GNAS: variants seen among roughly 807,000 people sequenced by gnomAD.
The protein encoded by GNAS is GNAS complex locus, also known as protein ALEX.
A neutral mutation model predicts 54.5 loss-of-function variants in GNAS; 8 were observed. The ratio of observed to expected loss-of-function variants is 0.15; its 90% confidence interval spans 0.09 to 0.26. The LOEUF is 0.26. Ranked by LOEUF, GNAS falls within the 10% of genes least tolerant of loss-of-function variation. GNAS has a pLI of 1.00. For synonymous variants in GNAS, 204 were observed against 191.4 expected, an observed-to-expected ratio of 1.07 and a Z score of -0.54; for missense variants, 170 against 529.8, an observed-to-expected ratio of 0.32 and a Z score of 6.67.
intron 1 of GNAS, among the ~76,000 whole-genome samples, chr20:58,893,813 C>T (rs753848485): frequency 4.6e-5 from 7 of 152,196 alleles, no homozygotes; most frequent in Non-Finnish European, 1.0e-4. Flanking sequence ...TACTTTAAGT[C>T]AAGTGTGATG....
At chr20:58,868,336 T>G (rs1265953302) in intron 1 of GNAS, among the ~76,000 whole-genome samples, 1 of 151,636 alleles carries the variant, frequency 6.6e-6, no homozygotes, top group Non-Finnish European at 1.5e-5. Context: ...GTCTTTTTAG[T>G]AGAGATGGGG....
At chr20:58,889,829 C>T (rs2088960009), upstream of GNAS, among the ~76,000 whole-genome samples, 1 of 151,166 alleles carries the variant, frequency 6.6e-6, no homozygotes, top group South Asian at 2.1e-4. Flanking sequence ...CGGGGGCAAG[C>T]AGGGAGCCCG....
In GNAS at chr20:58,856,997, G is replaced by C. The variant is rs976787684; in HGVS notation, c.43+16111G>C. The C allele has an allele frequency of 7.2e-6, 1 of 139,404 alleles. No homozygotes were observed. The highest frequency in any genetic ancestry group is 1.5e-5 in the Non-Finnish European group (1 of 65,640). 8.6% of individuals were successfully genotyped at this position (139,404 alleles called of 1,614,324 possible). The stretch of plus-strand genomic sequence containing the variant: ...AATATTTTTGCCACATTTAAACAAA[G>C]CATCAATTAGCAATGGTCTGAATAT... On this transcript the variant is annotated intron_variant, in intron 1 of 12. Coordinates refer to the GNAS transcript ENST00000306090. This position sits in a 1 kb window ranked among gnomAD's most constrained non-coding sequence, Gnocchi z 4.2.
intron 3 of GNAS, chr20:58,899,578 A>T: frequency 1.8e-6 from 1 of 548,448 alleles, no homozygotes; most frequent in Admixed American, 2.5e-5. Flanking sequence ...AAGGAAATTC[A>T]TGATGGCATC....
Position 58,840,991 on chromosome 20 carries a change from AG to A in GNAS, c.43+107del, listed in dbSNP as rs2085697691. The A allele has an allele frequency of 8.0e-7, 1 of 1,253,374 alleles. No homozygotes were observed. Among genetic ancestry groups the A allele is most frequent in the Non-Finnish European group, 1.1e-6 (1 of 883,618 alleles). The allele number at this position is 1,253,374 out of a possible 1,614,324, so 77.6% of individuals were successfully genotyped here. ...GCAGGTCAGGGGCGAGTGGGAAGAG[AG>A]GAGGCTCAGCTGGTCAGCCTGGGAT... On this transcript the variant is annotated intron_variant, in intron 1 of 12. Coordinates refer to the GNAS transcript ENST00000306090. The surrounding 1 kb of genome is among the most constrained non-coding windows in gnomAD (Gnocchi z 6.0).
intron 1 of GNAS, chr20:58,855,043 A>C (rs772575885): frequency 6.2e-7 from 1 of 1,612,990 alleles, no homozygotes; most frequent in Admixed American, 1.7e-5. Context: ...CGCTGGTTTC[A>C]GCATCGGCGA....
intron 1 of GNAS, 21 bp downstream of exon 1, chr20:58,891,886 CCGGCCCCGGCCCGGGGGCCCTCG>C (rs767976877): frequency 7.2e-6 from 8 of 1,117,624 alleles, no homozygotes; most frequent in Non-Finnish European, 9.0e-6. Flanking sequence ...GCGGGGGGCG[CCGGCCCCGGCCCGGGGGCCCTCG>C]AAGGGCGCCC....
At chr20:58,882,067 T>C (rs2088257827) in intron 1 of GNAS, among the ~76,000 whole-genome samples, 1 of 152,092 alleles carries the variant, frequency 6.6e-6, no homozygotes, top group South Asian at 2.1e-4. Context: ...TGTTTGTTTG[T>C]GTTTGTTTTG....
At chr20:58,881,519 C>T (rs544290878) in intron 1 of GNAS, among the ~76,000 whole-genome samples, 2 of 152,240 alleles carry the variant, frequency 1.3e-5, no homozygotes, top group South Asian at 2.1e-4. Flanking sequence ...GTGGAGATAG[C>T]GCCGTTTGCT....
rs552813440 is a variant in GNAS at position 58,854,727 on chromosome 20, G to A, written c.43+13841G>A. The A allele has an allele frequency of 8.4e-5, 129 of 1,535,354 alleles. No individual in the cohort carries two copies. Among genetic ancestry groups the A allele is most frequent in the Middle Eastern group, 5.5e-4 (3 of 5,440 alleles). ...TGCTGAGACCCGGGCAGCCCATGTC[G>A]CCCCAGCTGCGCCAGACGCAGGGGC... On this transcript the variant is annotated intron_variant, in intron 1 of 12. Coordinates refer to the GNAS transcript ENST00000306090.
chr20:58,845,834 A>C (rs2072458648), intron 1 of GNAS, among the ~76,000 whole-genome samples: 3 of 152,218 alleles, frequency 2.0e-5, no homozygotes, highest in Non-Finnish European at 2.9e-5. Context: ...GGCCACCATT[A>C]CCTGTTGACA....
At chr20:58,862,962 G>GGA (rs764397592) in intron 1 of GNAS, among the ~76,000 whole-genome samples, 17 of 82,304 alleles carry the variant, frequency 2.1e-4, no homozygotes, top group African/African-American at 2.6e-4. Flanking sequence ...TATTACACAT[G>GGA]AAAAAAAAAA....
chr20:58,853,119 C>A lies in GNAS; in HGVS notation c.43+12233C>A. 2 of 1,428,300 alleles carry A rather than the reference C, an allele frequency of 1.4e-6. No homozygotes were observed. Among genetic ancestry groups the A allele is most frequent in the Non-Finnish European group, 1.8e-6 (2 of 1,097,118 alleles). The allele number at this position is 1,428,300 out of a possible 1,614,324, so 88.5% of individuals were successfully genotyped here. A position where few individuals can be genotyped will look rare whatever the true frequency, so the allele number is the denominator to read the frequency against. ...TCCTTCCAGGCCTTGAACCCCCCAA[C>A]CTCACAAGGGTTGGAAAGTGAGGCC... is the stretch of plus-strand genomic sequence containing the variant. On this transcript the variant is annotated intron_variant, in intron 1 of 12. Transcript: ENST00000306090. This position sits in a 1 kb window ranked among gnomAD's most constrained non-coding sequence, Gnocchi z 4.4.
upstream of GNAS, chr20:58,840,687 T>C: frequency 1.2e-6 from 2 of 1,603,650 alleles, no homozygotes; most frequent in South Asian, 1.1e-5. The surrounding 1 kb of genome is among the most constrained non-coding windows in gnomAD (Gnocchi z 6.0). Context: ...GGGGAGGAGC[T>C]CAAGCCCGAG....
intron 2 of GNAS, 74 bp downstream of exon 2, chr20:58,895,758 G>A: frequency 2.2e-6 from 2 of 921,638 alleles, no homozygotes; most frequent in Non-Finnish European, 3.6e-6. Flanking sequence ...GGAAGTATAG[G>A]TGGGCTTTGG....
chr20:58,896,248 A>C (rs1270414739), intron 2 of GNAS, among the ~76,000 whole-genome samples: 1 of 152,108 alleles, frequency 6.6e-6, no homozygotes, highest in African/African-American at 2.4e-5. Flanking sequence ...TCCCCCTTTA[A>C]ATTACCATTA....
At chr20:58,902,280 C>G (rs1470169364) in intron 3 of GNAS, among the ~76,000 whole-genome samples, 1 of 152,204 alleles carries the variant, frequency 6.6e-6, no homozygotes, top group Non-Finnish European at 1.5e-5. Context: ...GAGATACATA[C>G]TCCACACAAG....
chr20:58,903,015 T>C, intron 3 of GNAS: 1 of 241,458 alleles, frequency 4.1e-6, no homozygotes, highest in South Asian at 5.3e-5. Flanking sequence ...GGATTACAGG[T>C]GTGAGCCACC....
Position 58,909,251 on chromosome 20 carries a change from G to A in GNAS, c.585+35G>A. 6.2e-7 allele frequency: 1 copy of A among 1,603,432 alleles called. No individual in the cohort carries two copies. Among genetic ancestry groups the A allele is most frequent in the Non-Finnish European group, 8.5e-7 (1 of 1,170,204 alleles). On this transcript the variant is annotated intron_variant, in intron 7 of 12. Transcript: ENST00000371085. This position sits in a 1 kb window ranked among gnomAD's most constrained non-coding sequence, Gnocchi z 7.3. The stretch of plus-strand genomic sequence containing the variant: ...ACCCCTCCCCACCAGAGGACTCTGA[G>A]CCCTCTTTCCAAACTACTCCAGACC...
Sources: allele counts gnomAD v4.1 joint callset (sites outside exome capture counted in the v4.1 genomes callset), GRCh38; gene constraint gnomAD v4.1.1; non-coding constraint Gnocchi (gnomAD v3.1); transcripts MANE v1.5; gene names NCBI Gene and HGNC (gene_info 2026-07-23, HGNC 2026-07-21).